The following PRKAR1B variants were observed in gnomAD, a reference collection of about 807,000 sequenced individuals.
PRKAR1B encodes the protein protein kinase cAMP-dependent type I regulatory subunit beta.
PRKAR1B carries 22 observed loss-of-function variants against 46.5 expected under a neutral mutation model. The ratio of observed to expected loss-of-function variants is 0.47; its 90% CI spans 0.34 to 0.68. The LOEUF (loss-of-function observed/expected upper bound fraction) is 0.68, where lower values mean the gene tolerates loss of function less well. PRKAR1B is among the 30% of genes least tolerant of loss of function. The pLI is 0.01. For missense variants in PRKAR1B, 445 were observed against 535.6 expected (o/e 0.83, Z 1.67); for synonymous variants, 259 against 217.7 (o/e 1.19, Z -1.67).
chr7:554,689 G>A (rs1778308486), intron 9 of PRKAR1B, among the ~76,000 whole-genome samples: 1 of 149,718 alleles, frequency 6.7e-6, no homozygotes, highest in South Asian at 2.1e-4. Context: ...ATCCCACAGA[G>A]CCAGAAGACA....
intron 9 of PRKAR1B, among the ~76,000 whole-genome samples, chr7:557,928 C>T (rs1027574862): frequency 3.9e-5 from 6 of 152,282 alleles, no homozygotes; most frequent in South Asian, 2.1e-4. Flanking sequence ...TGGGAGGAGA[C>T]GCCGCAGAAC....
At chr7:576,207 GTGCACGCT>G (rs1562530663) in intron 9 of PRKAR1B, among the ~76,000 whole-genome samples, 18 of 150,324 alleles carry the variant, frequency 1.2e-4, no homozygotes, top group African/African-American at 4.4e-4. Context: ...ATGGGCAGGC[GTGCACGCT>G]GGCATCCTCT....
At chr7:626,246 C>G (rs1053731631) in intron 4 of PRKAR1B, among the ~76,000 whole-genome samples, 5 of 152,124 alleles carry the variant, frequency 3.3e-5, no homozygotes, top group African/African-American at 1.2e-4. Context: ...AATCCCAGCA[C>G]TTTTAGAGGC....
chr7:587,865 G>A (rs111908603), intron 7 of PRKAR1B, among the ~76,000 whole-genome samples: 5,960 of 152,320 alleles, frequency 0.039, 377 homozygotes, highest in African/African-American at 0.13. Flanking sequence ...GGAAAGGCAC[G>A]TGATGTTAAA....
chr7:617,000 T>A (rs1782860771), intron 4 of PRKAR1B, among the ~76,000 whole-genome samples: 1 of 149,890 alleles, frequency 6.7e-6, no homozygotes, highest in African/African-American at 2.5e-5. Flanking sequence ...GCTTTTTTTT[T>A]TTTTTTTTTT....
chr7:632,389 C>T (rs1016548977), intron 4 of PRKAR1B, among the ~76,000 whole-genome samples: 1 of 152,172 alleles, frequency 6.6e-6, no homozygotes, highest in Non-Finnish European at 1.5e-5. Context: ...CTGTCTCTCC[C>T]ATCCACTGCC....
intron 4 of PRKAR1B, among the ~76,000 whole-genome samples, chr7:647,634 G>A (rs567486265): frequency 6.1e-4 from 92 of 151,614 alleles, no homozygotes; most frequent in African/African-American, 2.2e-3. Context: ...GTGAAACCCC[G>A]TCTCTACTAA....
chr7:639,247 C>T lies in PRKAR1B; in HGVS notation c.441-31795G>A, dbSNP rs576219805. ...CAAGACGGTGGTGGTATTAGTAAAACGGATTTGTACTGAGAGGCCAGAAAT... is the reference window on the plus strand; with the variant it reads ...CAAGACGGTGGTGGTATTAGTAAAATGGATTTGTACTGAGAGGCCAGAAAT... On this transcript the variant is annotated intron_variant, in intron 4 of 10. Coordinates refer to ENST00000537384, the MANE Select transcript of PRKAR1B (RefSeq NM_001164760.2). Among the ~76,000 whole-genome samples the T allele has an allele frequency of 3.0e-4, 45 of 152,254 alleles. No individual in the cohort carries two copies. The South Asian group carries it at 8.7e-3, about 29-fold the overall frequency.
At chr7:599,050 C>T (rs1583274872) in intron 6 of PRKAR1B, among the ~76,000 whole-genome samples, 2 of 152,238 alleles carry the variant, frequency 1.3e-5, no homozygotes, top group South Asian at 2.1e-4. Flanking sequence ...GGAAGCTGGA[C>T]CAGGACGCGC....
chr7:711,590 C>G (rs1780634265), intron 1 of PRKAR1B, 63 bp from the exon 2 acceptor site: 1 of 1,436,992 alleles, frequency 7.0e-7, no homozygotes, highest in African/African-American at 1.4e-5. Flanking sequence ...GCCGGATAAA[C>G]GCAGGCGGCG....
At chr7:598,791 A>G (rs1243973094) in intron 6 of PRKAR1B, among the ~76,000 whole-genome samples, 1 of 152,194 alleles carries the variant, frequency 6.6e-6, no homozygotes, top group Non-Finnish European at 1.5e-5. Context: ...GGAGGCGGGT[A>G]ACATCTTGTG....
rs1012185379 is a variant in PRKAR1B, at chr7:549,948, G to A, written c.*482C>T. The A allele has an allele frequency of 8.6e-4, 138 of 160,796 alleles. 2 individuals are homozygous for A. Among genetic ancestry groups the A allele is most frequent in the Non-Finnish European group, 3.0e-4 (22 of 73,022 alleles). The allele number at this position is 160,796 out of a possible 1,614,324, so 10.0% of individuals were successfully genotyped here. A position where few individuals can be genotyped will look rare whatever the true frequency, so the allele number is the denominator to read the frequency against. On this transcript the variant is annotated 3_prime_UTR_variant, in exon 11 of 11. Transcript: ENST00000537384. ...TTGCGGGAGGGGCCTTGACTTCTTCGGCCTCAACTCCCTGCTCTCAGCCTC... is the reference window on the plus strand; with the variant it reads ...TTGCGGGAGGGGCCTTGACTTCTTCAGCCTCAACTCCCTGCTCTCAGCCTC...
chr7:684,407 G>T (rs1475682743), intron 2 of PRKAR1B, among the ~76,000 whole-genome samples: 1 of 152,178 alleles, frequency 6.6e-6, no homozygotes, highest in Non-Finnish European at 1.5e-5. Flanking sequence ...CCTCTCGAAT[G>T]ACAGCAAAAT....
rs377564539 is a variant in PRKAR1B, at chr7:685,314, ATACG to A, written c.178-4592_178-4589del. The stretch of plus-strand genomic sequence containing the variant: ...TGTATACATATATATATACGTATAT[ATACG>A]TATATATACGTATATATACGTATAT... On this transcript the variant is annotated intron_variant, in intron 2 of 10. Coordinates refer to ENST00000537384, the MANE Select transcript of PRKAR1B (RefSeq NM_001164760.2). Among the ~76,000 whole-genome samples, 31 of 78,126 alleles carry A rather than the reference ATACG, an allele frequency of 4.0e-4. 2 individuals are homozygous for A. Among genetic ancestry groups the A allele is most frequent in the East Asian group, 7.1e-4 (2 of 2,826 alleles). 51.3% of individuals were successfully genotyped at this position (78,126 alleles called of 152,430 possible).
intron 4 of PRKAR1B, among the ~76,000 whole-genome samples, chr7:659,775 C>G (rs1050838649): frequency 1.3e-5 from 2 of 152,286 alleles, no homozygotes; most frequent in East Asian, 1.9e-4. Flanking sequence ...GGCGCGATCT[C>G]GGCTCACTGC....
At chr7:638,238 C>A (rs1447470261) in intron 4 of PRKAR1B, among the ~76,000 whole-genome samples, 2 of 152,256 alleles carry the variant, frequency 1.3e-5, no homozygotes, top group African/African-American at 4.8e-5. Context: ...ATTTCAGCCC[C>A]ATGCCCGGAT....
intron 2 of PRKAR1B, chr7:691,631 C>A (rs1425456734): frequency 1.3e-5 from 17 of 1,302,534 alleles, no homozygotes; most frequent in African/African-American, 3.0e-5. Context: ...TGCTGAATGG[C>A]ATGTGGCCTC....
rs568479617 is a variant in PRKAR1B at position 583,517 on chromosome 7, A to G, written c.769+991T>C. On this transcript the variant is annotated intron_variant, in intron 8 of 10. Transcript: ENST00000537384. ...TGTGCACACCCATACACACCCACAC[A>G]CGCGTGCACACACCCACTCACACAC... 5.7e-3 allele frequency among the ~76,000 whole-genome samples: 781 copies of G among 137,220 alleles called. 26 individuals carry two copies. Among genetic ancestry groups the G allele is most frequent in the African/African-American group, 0.018 (664 of 36,042 alleles). 90.0% of individuals were successfully genotyped at this position (137,220 alleles called of 152,430 possible).
intron 4 of PRKAR1B, among the ~76,000 whole-genome samples, chr7:638,798 C>T (rs570373541): frequency 2.6e-5 from 4 of 152,236 alleles, no homozygotes; most frequent in Non-Finnish European, 4.4e-5. Context: ...CACATGCGGC[C>T]GGGCGCGGGG....
Sources: allele counts gnomAD v4.1 joint callset (sites outside exome capture counted in the v4.1 genomes callset), GRCh38; gene constraint gnomAD v4.1.1; transcripts MANE v1.5; gene names NCBI Gene and HGNC (gene_info 2026-07-23, HGNC 2026-07-21).